The following DNMBP variants were observed in gnomAD, a reference collection of about 807,000 sequenced individuals.
The protein encoded by DNMBP is dynamin-binding protein.
A neutral mutation model predicts 150.0 loss-of-function variants in DNMBP; 87 were observed. The observed-to-expected ratio is 0.58, with a 90% CI of 0.49 to 0.69. The LOEUF (loss-of-function observed/expected upper bound fraction) is 0.69. DNMBP is among the 30% of genes least tolerant of loss of function. The pLI is 0.00. For synonymous variants in DNMBP, 711 were observed against 750.4 expected, an observed-to-expected ratio of 0.95 and a Z score of 0.86; for missense variants, 1,774 against 1,949.0, an observed-to-expected ratio of 0.91 and a Z score of 1.69.
At chr10:99,936,149 G>C (rs957481395) in intron 4 of DNMBP, among the ~76,000 whole-genome samples, 3 of 152,122 alleles carry the variant, frequency 2.0e-5, no homozygotes, top group African/African-American at 7.2e-5. Context: ...TCAAGAGTTT[G>C]TTATAAAACA....
chr10:99,969,421 C>T (rs1259420988), intron 2 of DNMBP, among the ~76,000 whole-genome samples, 184 bp from the exon 3 acceptor site: 1 of 152,150 alleles, frequency 6.6e-6, no homozygotes, highest in Non-Finnish European at 1.5e-5. Context: ...GCATGCAGGA[C>T]AGACAGAATG....
In DNMBP at chr10:99,877,148, G is replaced by A. The variant is rs1204806824; in HGVS notation, c.*3C>T. 1 of 1,603,424 alleles carries A rather than the reference G, an allele frequency of 6.2e-7. No individual in the cohort carries two copies. Among genetic ancestry groups the A allele is most frequent in the South Asian group, 1.1e-5 (1 of 89,252 alleles). On this transcript the variant is annotated 3_prime_UTR_variant, in exon 17 of 17. Transcript: ENST00000324109. ...GCAAGGCTGGGTGGCAGGCAACGTG[G>A]GCTCAGGTGTACTCGGTTTTGCGGA...
At chr10:99,914,887 T>A (rs1002258086) in intron 4 of DNMBP, among the ~76,000 whole-genome samples, 1 of 150,648 alleles carries the variant, frequency 6.6e-6, no homozygotes, top group Non-Finnish European at 1.5e-5. Context: ...AGGTCAGGAG[T>A]TTAAGACCAG....
At chr10:99,993,138 C>T (rs2040914587) in intron 1 of DNMBP, among the ~76,000 whole-genome samples, 1 of 152,164 alleles carries the variant, frequency 6.6e-6, no homozygotes, top group Non-Finnish European at 1.5e-5. Flanking sequence ...AAAATAGTAC[C>T]TCACAAATAG....
chr10:99,965,869 G>GA (rs1414260991), intron 3 of DNMBP, among the ~76,000 whole-genome samples: 6 of 152,004 alleles, frequency 3.9e-5, no homozygotes, highest in African/African-American at 1.4e-4. Context: ...CAGACACACT[G>GA]ATCTAATGGA....
chr10:99,980,656 A>T (rs6584337), intron 1 of DNMBP, among the ~76,000 whole-genome samples: 63,889 of 151,108 alleles, frequency 0.42, 14,233 homozygotes, highest in African/African-American at 0.57. Context: ...AAAAAAAAAA[A>T]TAGCTGGGCG....
intron 1 of DNMBP, among the ~76,000 whole-genome samples, chr10:100,000,388 C>T (rs982502215): frequency 2.0e-5 from 3 of 152,082 alleles, no homozygotes; most frequent in African/African-American, 7.2e-5. Context: ...GGGCCCAGAC[C>T]CACAGCTAGA....
At chr10:99,917,829 T>C (rs2039980625) in intron 4 of DNMBP, among the ~76,000 whole-genome samples, 1 of 151,808 alleles carries the variant, frequency 6.6e-6, no homozygotes, top group African/African-American at 2.4e-5. Context: ...CTGGGCGCAG[T>C]GGTGCCCACC....
At chr10:99,891,858 GGCCACGA>G (rs2039570227) in intron 11 of DNMBP, among the ~76,000 whole-genome samples, 1 of 151,112 alleles carries the variant, frequency 6.6e-6, no homozygotes, top group Non-Finnish European at 1.5e-5. Context: ...GCCTCTGCCC[GGCCACGA>G]CCCCGTCTGG....
chr10:99,981,474 G>A (rs1021187166), intron 1 of DNMBP, among the ~76,000 whole-genome samples: 2 of 152,170 alleles, frequency 1.3e-5, no homozygotes, highest in African/African-American at 4.8e-5. Flanking sequence ...GAGCCACTGT[G>A]CCTGGCCAGT....
At chr10:99,976,633 T>C (rs2040730603) in intron 1 of DNMBP, among the ~76,000 whole-genome samples, 1 of 152,176 alleles carries the variant, frequency 6.6e-6, no homozygotes, top group Non-Finnish European at 1.5e-5. Context: ...AACTCTACTG[T>C]GGTGGGAAAG....
At chr10:99,962,450 T>C (rs1217035638) in intron 3 of DNMBP, among the ~76,000 whole-genome samples, 1 of 152,024 alleles carries the variant, frequency 6.6e-6, no homozygotes, top group African/African-American at 2.4e-5. Context: ...GCTAACACGG[T>C]GAAACCCTGT....
intron 3 of DNMBP, among the ~76,000 whole-genome samples, chr10:99,968,350 G>A (rs1160010913): frequency 6.6e-6 from 1 of 151,600 alleles, no homozygotes; most frequent in Non-Finnish European, 1.5e-5. Flanking sequence ...TTCTCCCTCC[G>A]CCCACGCCCC....
chr10:99,887,871 C>A (rs61872195), intron 12 of DNMBP, among the ~76,000 whole-genome samples: 4,838 of 152,252 alleles, frequency 0.032, 83 homozygotes, highest in South Asian at 0.088. Context: ...GTTGCCCAGG[C>A]TGGAGTACAA....
chr10:99,935,388 C>T (rs1431286760), intron 4 of DNMBP, among the ~76,000 whole-genome samples: 2 of 151,486 alleles, frequency 1.3e-5, no homozygotes, highest in Admixed American at 1.3e-4. Flanking sequence ...TTCTTATTTA[C>T]TTTATTTTAC....
At chr10:99,981,384 G>A (rs1208916909) in intron 1 of DNMBP, among the ~76,000 whole-genome samples, 4 of 152,028 alleles carry the variant, frequency 2.6e-5, no homozygotes, top group African/African-American at 9.7e-5. Flanking sequence ...GTTTCACCTT[G>A]TTGGCCAGGC....
rs753501911 is a variant in DNMBP, at chr10:99,956,608, G to A, written c.866C>T (p.Thr289Ile). 1.2e-6 allele frequency: 2 copies of A among 1,614,148 alleles called. No individual in the cohort carries two copies. Among genetic ancestry groups the A allele is most frequent in the East Asian group, 4.5e-5 (2 of 44,874 alleles). ...CACAAACCGGTAAGGAAAGATGCCT[G>A]TCCTGCCCTTCAGGGATCCTTCCAG... ...GWLEGSLKGR[T>I]GIFPYRFVKL... The change falls in exon 4 of 17, where the codon ACA becomes ATA. Residue 289 changes from threonine (T) to isoleucine (I), a missense_variant. This residue lies in a region of DNMBP where 344 missense variants were observed against 456.6 expected (regional missense o/e 0.75). Coordinates refer to ENST00000324109, the MANE Select transcript of DNMBP (RefSeq NM_015221.4).
rs144171561 is a variant in DNMBP, at chr10:99,911,449, C to T, written c.2261-2303G>A. On this transcript the variant is annotated intron_variant, in intron 4 of 16. Transcript: ENST00000324109. The stretch of plus-strand genomic sequence containing the variant: ...AGTGAGCCAAGATTGCACCACTGCA[C>T]TCCAGCCTGGGAGAACAGAGCAAGA... 4.0e-3 allele frequency among the ~76,000 whole-genome samples: 606 copies of T among 152,190 alleles called. 4 individuals carry two copies. The highest frequency in any genetic ancestry group is 0.012 in the African/African-American group (510 of 41,502).
At chr10:99,966,960 A>ATTT (rs769272006) in intron 3 of DNMBP, among the ~76,000 whole-genome samples, 8 of 136,856 alleles carry the variant, frequency 5.8e-5, no homozygotes, top group East Asian at 2.1e-4. Flanking sequence ...GGCTAATTTA[A>ATTT]TTTTTTTTTT....
Sources: allele counts gnomAD v4.1 joint callset (sites outside exome capture counted in the v4.1 genomes callset), GRCh38; gene constraint gnomAD v4.1.1; regional missense constraint gnomAD v4.1.1; transcripts MANE v1.5; gene names NCBI Gene and HGNC (gene_info 2026-07-23, HGNC 2026-07-21).